GRIK2: variants seen among roughly 807,000 people sequenced by gnomAD.
GRIK2 encodes the protein glutamate receptor ionotropic, kainate 2.
In GRIK2, 32 loss-of-function variants were observed where a neutral mutation model predicts 100.3. The observed-to-expected ratio is 0.32, with a 90% confidence interval of 0.24 to 0.43. The LOEUF (loss-of-function observed/expected upper bound fraction) is 0.43, where lower values mean the gene tolerates loss of function less well. GRIK2 is among the 20% of genes least tolerant of loss of function. The probability of loss-of-function intolerance (pLI) is 1.00; values close to 1 mark genes in which losing one functional copy is unlikely to be tolerated. For missense variants in GRIK2, 843 were observed against 1,114.9 expected (o/e 0.76, Z 3.47); for synonymous variants, 417 against 389.4 (o/e 1.07, Z -0.83).
chr6:101,970,715 C>CAAAA (rs1792994749), intron 14 of GRIK2, among the ~76,000 whole-genome samples: 1 of 144,286 alleles, frequency 6.9e-6, no homozygotes, highest in African/African-American at 2.9e-5. Context: ...CATCTGTAAA[C>CAAAA]ATTCTTTCTG....
chr6:101,795,831 G>A (rs73512738), intron 7 of GRIK2, among the ~76,000 whole-genome samples: 1,785 of 152,290 alleles, frequency 0.012, 28 homozygotes, highest in African/African-American at 0.041. Flanking sequence ...GGGTGCATGG[G>A]AATAGGCTGT....
At chr6:101,396,777 G>T (rs1175656214) in intron 1 of GRIK2, among the ~76,000 whole-genome samples, 1 of 152,162 alleles carries the variant, frequency 6.6e-6, no homozygotes, top group East Asian at 1.9e-4. Context: ...GTCGTCTCCA[G>T]TCTTTTAGAA....
Position 101,490,484 on chromosome 6 carries a change from A to T in GRIK2, c.115+91092A>T, listed in dbSNP as rs560189713. 1.7e-4 allele frequency among the ~76,000 whole-genome samples: 25 copies of T among 146,606 alleles called. 3 individuals carry two copies. Among genetic ancestry groups the T allele is most frequent in the African/African-American group, 6.5e-4 (25 of 38,532 alleles). ...ATGAATTGCCACAGGTGTTCAAAGG[A>T]GGCAGAGGTGGTTAAGAAAGGCAGA... On this transcript the variant is annotated intron_variant, in intron 2 of 16. Transcript: ENST00000369134.
rs560059813 is a variant in GRIK2, at chr6:102,068,453, T to G, written c.2669T>G (p.Val890Gly). The G allele has an allele frequency of 1.2e-6, 2 of 1,612,096 alleles. No homozygotes were observed. Among genetic ancestry groups the G allele is most frequent in the African/African-American group, 1.3e-5 (1 of 74,872 alleles). Reference sequence around the variant, plus strand: ...CCAGTTATTGTGAAAACAGAAGAAGTTATCAACATGCACACATTTAACGAC... The same window carrying G: ...CCAGTTATTGTGAAAACAGAAGAAGGTATCAACATGCACACATTTAACGAC... Reference protein sequence around the residue: ...QAPVIVKTEEVINMHTFNDRR... With the variant: ...QAPVIVKTEEGINMHTFNDRR... The change falls in exon 17 of 17, where the codon GTT becomes GGT. Residue 890 changes from valine to glycine, a missense_variant. Physicochemically the swap from Val to Gly is moderately radical, Grantham distance 109. This residue lies in a region of GRIK2 where 87 missense variants were observed against 83.2 expected (regional missense o/e 1.05). Transcript: ENST00000369134.
At chr6:101,682,070 G>A (rs1346272275) in intron 5 of GRIK2, among the ~76,000 whole-genome samples, 1 of 152,170 alleles carries the variant, frequency 6.6e-6, no homozygotes, top group East Asian at 1.9e-4. Flanking sequence ...TTAAATAAGA[G>A]TGGTAATTTA....
At chr6:101,534,690 C>A (rs1407138376) in intron 2 of GRIK2, among the ~76,000 whole-genome samples, 1 of 151,820 alleles carries the variant, frequency 6.6e-6, no homozygotes, top group Non-Finnish European at 1.5e-5. Flanking sequence ...TATAAACCCT[C>A]AAAAATGGTA....
At chr6:101,598,551 T>A (rs1779035338) in intron 2 of GRIK2, among the ~76,000 whole-genome samples, 1 of 146,404 alleles carries the variant, frequency 6.8e-6, no homozygotes, top group Admixed American at 6.9e-5. Flanking sequence ...CACTAAATAT[T>A]ATTTTACATT....
At chr6:101,446,928 T>C (rs1770411549) in intron 2 of GRIK2, among the ~76,000 whole-genome samples, 1 of 148,360 alleles carries the variant, frequency 6.7e-6, no homozygotes, top group African/African-American at 2.4e-5. Context: ...TGTACGTGTA[T>C]ATATAATATA....
chr6:101,907,128 G>A (rs774368615), intron 12 of GRIK2, among the ~76,000 whole-genome samples: 43 of 151,632 alleles, frequency 2.8e-4, no homozygotes, highest in Non-Finnish European at 5.9e-4. Flanking sequence ...TGTACAACAT[G>A]TTAAGGAATA....
intron 14 of GRIK2, among the ~76,000 whole-genome samples, chr6:101,989,142 A>G (rs553729902): frequency 1.3e-5 from 2 of 152,146 alleles, no homozygotes; most frequent in African/African-American, 4.8e-5. Context: ...TTTCCATGAT[A>G]TGTTTTGTTG....
At chr6:101,409,083 A>G (rs1327844959) in intron 2 of GRIK2, among the ~76,000 whole-genome samples, 1 of 150,282 alleles carries the variant, frequency 6.7e-6, no homozygotes, top group Non-Finnish European at 1.5e-5. Context: ...GTTCCAAGAC[A>G]TTTCTATTAC....
chr6:101,539,541 A>G (rs563138750), intron 2 of GRIK2, among the ~76,000 whole-genome samples: 10 of 151,908 alleles, frequency 6.6e-5, no homozygotes, highest in African/African-American at 2.4e-4. Context: ...GATATTTGCA[A>G]TAAAGTCATC....
intron 6 of GRIK2, among the ~76,000 whole-genome samples, chr6:101,685,710 C>G (rs1316824557): frequency 1.3e-5 from 2 of 152,034 alleles, no homozygotes; most frequent in South Asian, 4.1e-4. Flanking sequence ...ACCTTTCATA[C>G]AGTTTTCATT....
At chr6:101,945,320 T>G (rs2128477090) in intron 14 of GRIK2, among the ~76,000 whole-genome samples, 1 of 152,260 alleles carries the variant, frequency 6.6e-6, no homozygotes, top group South Asian at 2.1e-4. Context: ...CTAATAATTT[T>G]TATATTGAGA....
At chr6:101,728,709 G>A (rs1286519875) in intron 7 of GRIK2, among the ~76,000 whole-genome samples, 1 of 152,002 alleles carries the variant, frequency 6.6e-6, no homozygotes, top group African/African-American at 2.4e-5. Context: ...TATACATGTT[G>A]CCTTAATTGA....
At chr6:102,062,286 T>C (rs1158371843) in intron 16 of GRIK2, among the ~76,000 whole-genome samples, 1 of 150,550 alleles carries the variant, frequency 6.6e-6, no homozygotes, top group Non-Finnish European at 1.5e-5. Context: ...TTTTTTTCTG[T>C]CTGCTGTATA....
At chr6:101,744,558 A>ATATCTATCTATC (rs751011648) in intron 7 of GRIK2, 113 of 114,988 alleles carry the variant, frequency 9.8e-4, no homozygotes, top group African/African-American at 4.1e-3. Flanking sequence ...ATATATATAT[A>ATATCTATCTATC]TCACAATTTC....
intron 2 of GRIK2, among the ~76,000 whole-genome samples, chr6:101,458,469 T>C (rs1284680414): frequency 6.6e-6 from 1 of 152,238 alleles, no homozygotes; most frequent in Non-Finnish European, 1.5e-5. Flanking sequence ...GTCTGGCTGC[T>C]GGCCCAGGGC....
chr6:101,628,117 T>G (rs972949173), intron 4 of GRIK2, among the ~76,000 whole-genome samples: 16 of 152,232 alleles, frequency 1.1e-4, no homozygotes, highest in African/African-American at 3.6e-4. Flanking sequence ...TGAATTTAAA[T>G]TCTCTCAAAG....
Sources: gnomAD v4.1 joint callset for allele counts (sites outside exome capture counted in the v4.1 genomes callset) on GRCh38, gnomAD v4.1.1 for gene constraint, gnomAD v4.1.1 regional missense constraint, MANE v1.5 for transcripts, NCBI Gene and HGNC (gene_info 2026-07-23, HGNC 2026-07-21) for gene names.